The following TYW1B variants were observed in gnomAD, a reference collection of about 807,000 sequenced individuals.
TYW1B encodes S-adenosyl-L-methionine-dependent tRNA 4-demethylwyosine synthase TYW1B.
Under a neutral mutation model 86.9 loss-of-function variants are expected in TYW1B, and 73 were observed. That is an observed-to-expected ratio of 0.84 (90% CI 0.70 to 1.02). TYW1B has a LOEUF of 1.02. Ranked by LOEUF, TYW1B falls within the 50% of genes least tolerant of loss-of-function variation. The pLI, the probability that TYW1B is intolerant of heterozygous loss-of-function variation, is 0.00. For synonymous variants in TYW1B, 248 were observed against 292.8 expected, an observed-to-expected ratio of 0.85 and a Z score of 1.56; for missense variants, 637 against 827.4, an observed-to-expected ratio of 0.77 and a Z score of 2.82.
intron 11 of TYW1B, among the ~76,000 whole-genome samples, chr7:72,658,519 T>C (rs1330286896): frequency 6.6e-6 from 1 of 152,182 alleles, no homozygotes; most frequent in African/African-American, 2.4e-5. Flanking sequence ...TTCTAGGGAA[T>C]GAAACTTAAG....
At chr7:72,709,006 G>C (rs112494982) in intron 10 of TYW1B, among the ~76,000 whole-genome samples, 1,744 of 152,192 alleles carry the variant, frequency 0.011, 39 homozygotes, top group African/African-American at 0.039. Context: ...CTTATACTTA[G>C]GACTTCCTAA....
chr7:72,766,623 A>AC (rs1401172847), intron 7 of TYW1B, among the ~76,000 whole-genome samples: 1 of 146,116 alleles, frequency 6.8e-6, no homozygotes, highest in Non-Finnish European at 1.5e-5. Context: ...CAAAAAAAAA[A>AC]AAAAAAAAAA....
rs536850155 is a variant in TYW1B at position 72,625,388 on chromosome 7, G to A, written c.1617+3499C>T. 1.5e-4 allele frequency among the ~76,000 whole-genome samples: 23 copies of A among 152,258 alleles called. No individual in the cohort carries two copies. In the South Asian group the frequency reaches 3.5e-3, roughly 23 times the overall value. On this transcript the variant is annotated intron_variant, in intron 12 of 13. Transcript: ENST00000620995. ...AATCCCAGCACTTTGGGAGGCTAAC[G>A]TAGAAGGACTGCTTGAGGCCAGGAG...
intron 7 of TYW1B, among the ~76,000 whole-genome samples, chr7:72,752,055 G>A (rs1370559358): frequency 6.6e-6 from 1 of 152,200 alleles, no homozygotes; most frequent in East Asian, 1.9e-4. Flanking sequence ...AGTATCTCTG[G>A]GTAGAGAGGG....
At chr7:72,649,622 A>G (rs1813012858) in intron 11 of TYW1B, among the ~76,000 whole-genome samples, 1 of 152,178 alleles carries the variant, frequency 6.6e-6, no homozygotes, top group Non-Finnish European at 1.5e-5. Flanking sequence ...ATTGGACTCC[A>G]TGTGTGCAGA....
intron 13 of TYW1B, among the ~76,000 whole-genome samples, chr7:72,614,045 C>T (rs1245954596): frequency 4.0e-5 from 6 of 151,066 alleles, no homozygotes; most frequent in South Asian, 2.1e-4. Flanking sequence ...GGAGAGAGAA[C>T]GAGAGAGAAC....
At chr7:72,758,246 T>G (rs1787626171) in intron 7 of TYW1B, among the ~76,000 whole-genome samples, 1 of 151,834 alleles carries the variant, frequency 6.6e-6, no homozygotes, top group African/African-American at 2.4e-5. Context: ...CTGGGTGTAG[T>G]AGGTACAATA....
At chr7:72,610,164 T>A (rs1811899902) in intron 13 of TYW1B, among the ~76,000 whole-genome samples, 1 of 152,208 alleles carries the variant, frequency 6.6e-6, no homozygotes, top group African/African-American at 2.4e-5. Flanking sequence ...ATTGAGGCAC[T>A]AGAGCACTAT....
intron 11 of TYW1B, among the ~76,000 whole-genome samples, chr7:72,638,083 TG>T (rs782091174): frequency 3.7e-4 from 55 of 150,328 alleles, no homozygotes; most frequent in Non-Finnish European, 6.9e-4. Context: ...ACTTTTGTAA[TG>T]GGGGAAAAAA....
At chr7:72,805,201 G>A (rs1324353991) in intron 5 of TYW1B, among the ~76,000 whole-genome samples, 5 of 51,842 alleles carry the variant, frequency 9.6e-5, no homozygotes, top group Admixed American at 3.8e-4. Context: ...TTAGGAATAC[G>A]AAAAGGAGCC....
Position 72,828,194 on chromosome 7 carries a change from G to T in TYW1B, c.-119C>A. On this transcript the variant is annotated 5_prime_UTR_variant, in exon 1 of 14. The change creates a new upstream start codon in the 5' untranslated region. Coordinates refer to ENST00000620995, the MANE Select transcript of TYW1B (RefSeq NM_001145440.3). ...GTTAGCGCCGTACCGAGTGGCTGCA[G>T]AACTGTGGGCAGCTACGACGCTGCC... 2 of 1,552,126 alleles carry T rather than the reference G, an allele frequency of 1.3e-6. No homozygotes were observed. The highest frequency in any genetic ancestry group is 2.3e-5 in the South Asian group (2 of 85,400).
At position 72,721,663 on chromosome 7, in the gene TYW1B, C is replaced by T. The variant is rs541822927; in HGVS notation, c.1192+7159G>A. Among the ~76,000 whole-genome samples the T allele has an allele frequency of 1.1e-4, 17 of 152,170 alleles. No homozygotes were observed. The South Asian group carries it at 1.5e-3, about 13-fold the overall frequency. On this transcript the variant is annotated intron_variant, in intron 9 of 13. Transcript: ENST00000620995. The stretch of plus-strand genomic sequence containing the variant: ...GCACACACACACAGGCACACATACA[C>T]GCACATGCACACACACGATCTGTTC...
chr7:72,802,620 T>C, intron 5 of TYW1B, 98 bp from the exon 6 acceptor site: 1 of 1,428,024 alleles, frequency 7.0e-7, no homozygotes, highest in Non-Finnish European at 9.1e-7. Context: ...TGTCTCTAAA[T>C]TCTTTTTTTT....
chr7:72,785,329 AT>A (rs1346973924), intron 6 of TYW1B, among the ~76,000 whole-genome samples: 1 of 147,854 alleles, frequency 6.8e-6, no homozygotes, highest in Non-Finnish European at 1.5e-5. Flanking sequence ...GTTAATATAT[AT>A]TCTAATTCTA....
chr7:72,657,928 T>C (rs113322881), intron 11 of TYW1B, among the ~76,000 whole-genome samples: 8 of 152,308 alleles, frequency 5.3e-5, no homozygotes, highest in African/African-American at 1.4e-4. Flanking sequence ...CTCAACTGTT[T>C]ATAATCACAG....
chr7:72,653,948 C>T (rs1305693008), intron 11 of TYW1B, among the ~76,000 whole-genome samples: 5 of 151,926 alleles, frequency 3.3e-5, no homozygotes, highest in East Asian at 3.9e-4. Context: ...CATGTGGTGG[C>T]GCACACCTGC....
chr7:72,726,079 C>G (rs1786993211), intron 9 of TYW1B, among the ~76,000 whole-genome samples: 1 of 152,148 alleles, frequency 6.6e-6, no homozygotes, highest in African/African-American at 2.4e-5. Context: ...AGTCAAATTC[C>G]AGATGTGGAG....
intron 11 of TYW1B, among the ~76,000 whole-genome samples, chr7:72,649,807 C>T (rs1307658222): frequency 2.0e-5 from 3 of 152,126 alleles, no homozygotes; most frequent in Non-Finnish European, 4.4e-5. Context: ...CTACAAGTTC[C>T]CAAAGTCCCA....
intron 6 of TYW1B, among the ~76,000 whole-genome samples, chr7:72,782,904 T>C (rs573362859): frequency 3.9e-5 from 6 of 152,236 alleles, no homozygotes; most frequent in African/African-American, 1.4e-4. Flanking sequence ...GGCTATAGAA[T>C]GCCCAAATTC....
Sources: allele counts gnomAD v4.1 joint callset (sites outside exome capture counted in the v4.1 genomes callset), GRCh38; gene constraint gnomAD v4.1.1; transcripts MANE v1.5; gene names NCBI Gene and HGNC (gene_info 2026-07-23, HGNC 2026-07-21).